Variants in FBXW11 observed in about 807,000 individuals in gnomAD.
FBXW11 encodes F-box and WD repeat domain containing 11.
FBXW11 carries 19 observed loss-of-function variants against 77.6 expected under a neutral mutation model. The observed-to-expected ratio is 0.24, with a 90% CI of 0.17 to 0.36. The LOEUF (loss-of-function observed/expected upper bound fraction) is 0.36. Ranked by LOEUF, FBXW11 falls within the 10% of genes least tolerant of loss-of-function variation. The pLI is 1.00. For synonymous variants in FBXW11, 235 were observed against 249.4 expected (o/e 0.94, Z 0.54); for missense variants, 334 against 704.2 (o/e 0.47, Z 5.95).
At chr5:171,898,197 A>G (rs1759878085) in intron 6 of FBXW11, among the ~76,000 whole-genome samples, 1 of 152,176 alleles carries the variant, frequency 6.6e-6, no homozygotes, top group African/African-American at 2.4e-5. Context: ...TTGGCACAAT[A>G]ACTTTTATGT....
At chr5:171,872,782 C>A in intron 10 of FBXW11, 90 bp downstream of exon 10, 1 of 898,244 alleles carries the variant, frequency 1.1e-6, no homozygotes, top group South Asian at 1.5e-5. Context: ...TCCCATTTAC[C>A]CTGAGTTGTT....
At chr5:171,964,561 C>A (rs896828057) in intron 1 of FBXW11, among the ~76,000 whole-genome samples, 1 of 152,194 alleles carries the variant, frequency 6.6e-6, no homozygotes, top group Non-Finnish European at 1.5e-5. Flanking sequence ...CATCTCTCAG[C>A]CTGTTGCTTT....
chr5:171,989,469 A>G (rs1437568740), intron 1 of FBXW11, among the ~76,000 whole-genome samples: 1 of 152,266 alleles, frequency 6.6e-6, no homozygotes, highest in Non-Finnish European at 1.5e-5. Flanking sequence ...CCTATGATGA[A>G]GCATTCTCGT....
At chr5:171,915,613 C>CTGTGTGTGTGTGTGTGTGTG (rs200618306) in intron 2 of FBXW11, among the ~76,000 whole-genome samples, 6,789 of 129,412 alleles carry the variant, frequency 0.052, 305 homozygotes, top group East Asian at 0.13. Context: ...GTCACTCATT[C>CTGTGTGTGTGTGTGTGTGTG]TGTGTGTGTG....
intron 1 of FBXW11, among the ~76,000 whole-genome samples, chr5:171,965,719 A>T (rs1475555793): frequency 6.6e-6 from 1 of 152,122 alleles, no homozygotes; most frequent in African/African-American, 2.4e-5. Context: ...ACCAAGTATA[A>T]TTTTAAGTGA....
chr5:171,922,722 A>G (rs1761662556), intron 2 of FBXW11, among the ~76,000 whole-genome samples: 1 of 152,226 alleles, frequency 6.6e-6, no homozygotes, highest in African/African-American at 2.4e-5. Flanking sequence ...GAAATTTGTT[A>G]TATGGATTAT....
chr5:171,884,494 T>G (rs766044277), intron 7 of FBXW11, among the ~76,000 whole-genome samples: 1 of 152,206 alleles, frequency 6.6e-6, no homozygotes, highest in Non-Finnish European at 1.5e-5. Context: ...AGATTTATTC[T>G]TTTTGCTTAG....
At chr5:171,919,585 T>C (rs1761455941) in intron 2 of FBXW11, among the ~76,000 whole-genome samples, 1 of 152,236 alleles carries the variant, frequency 6.6e-6, no homozygotes, top group Non-Finnish European at 1.5e-5. Flanking sequence ...ATTTAATGAT[T>C]GCCTATGATG....
chr5:171,903,311 G>GT (rs1266458468), intron 4 of FBXW11, among the ~76,000 whole-genome samples: 1 of 152,028 alleles, frequency 6.6e-6, no homozygotes, highest in Non-Finnish European at 1.5e-5. Flanking sequence ...ATTGCCCGGG[G>GT]TGGTCTCCAA....
chr5:171,868,901 T>C (rs2113747256), intron 12 of FBXW11, 105 bp from the exon 13 acceptor site: 1 of 991,692 alleles, frequency 1.0e-6, no homozygotes, highest in East Asian at 2.6e-5. Context: ...TTAAACAGAC[T>C]TCCTAAACGA....
intron 2 of FBXW11, among the ~76,000 whole-genome samples, chr5:171,946,006 T>C (rs935591088): frequency 1.3e-5 from 2 of 152,192 alleles, no homozygotes; most frequent in Admixed American, 1.3e-4. Context: ...GTAAGGGTAT[T>C]GTTAGGTATG....
intron 8 of FBXW11, among the ~76,000 whole-genome samples, chr5:171,877,607 G>C (rs1332071248): frequency 2.0e-5 from 3 of 152,018 alleles, no homozygotes; most frequent in Admixed American, 2.0e-4. Flanking sequence ...GCAGGGGTAC[G>C]GAAGCACTGA....
At chr5:171,952,422 CATATATATAT>C (rs1198809796) in intron 2 of FBXW11, among the ~76,000 whole-genome samples, 15 of 14,642 alleles carry the variant, frequency 1.0e-3, no homozygotes, top group African/African-American at 2.5e-3. Context: ...TGTGTACATA[CATATATATAT>C]ATATATATAT....
intron 6 of FBXW11, among the ~76,000 whole-genome samples, chr5:171,894,126 GAGCCAGGGTCAGGTACATACTC>G (rs914445121): frequency 1.6e-4 from 24 of 152,092 alleles, no homozygotes; most frequent in Non-Finnish European, 2.6e-4. Flanking sequence ...CTACACAGAG[GAGCCAGGGTCAGGTACATACTC>G]AGCCTGTGAT....
rs114851476 is a variant in FBXW11, at chr5:171,939,298, C to A, written c.147+18299G>T. Among the ~76,000 whole-genome samples the A allele has an allele frequency of 7.5e-3, 1,147 of 152,168 alleles. 21 individuals are homozygous for A. Among genetic ancestry groups the A allele is most frequent in the African/African-American group, 0.027 (1,106 of 41,492 alleles). On this transcript the variant is annotated intron_variant, in intron 2 of 13. Transcript: ENST00000517395. ...GAGAGATGTAATACATCAGCAGAAA[C>A]AAATGAATAACATAATCATACTTAA...
intron 13 of FBXW11, 92 bp from the exon 14 acceptor site, chr5:171,864,193 C>T (rs928236100): frequency 1.3e-5 from 2 of 152,226 alleles, no homozygotes; most frequent in Non-Finnish European, 2.9e-5. Context: ...CTGCACACAG[C>T]TACATGCAAA....
chr5:171,945,135 A>G (rs903838726), intron 2 of FBXW11, among the ~76,000 whole-genome samples: 2 of 152,254 alleles, frequency 1.3e-5, no homozygotes, highest in Non-Finnish European at 2.9e-5. Flanking sequence ...AGTGCTAAGC[A>G]CTATGAAGGA....
At chr5:171,972,531 TA>T (rs1764595426) in intron 1 of FBXW11, among the ~76,000 whole-genome samples, 1 of 127,074 alleles carries the variant, frequency 7.9e-6, no homozygotes, top group Non-Finnish European at 1.7e-5. Flanking sequence ...AAAAAAAAGT[TA>T]AAACTATAGG....
At chr5:171,946,548 T>C (rs757161322) in intron 2 of FBXW11, among the ~76,000 whole-genome samples, 2 of 152,190 alleles carry the variant, frequency 1.3e-5, no homozygotes, top group Non-Finnish European at 1.5e-5. Flanking sequence ...CAGCCAGACA[T>C]TAGCCTTCTG....
Sources: allele counts gnomAD v4.1 joint callset (sites outside exome capture counted in the v4.1 genomes callset), GRCh38; gene constraint gnomAD v4.1.1; transcripts MANE v1.5; gene names NCBI Gene and HGNC (gene_info 2026-07-23, HGNC 2026-07-21).